SCFD2: variants seen among roughly 807,000 people sequenced by gnomAD.
SCFD2 encodes sec1 family domain containing 2.
Under a neutral mutation model 58.9 loss-of-function variants are expected in SCFD2, and 54 were observed. The ratio of observed to expected loss-of-function variants is 0.92; its 90% CI spans 0.74 to 1.15. SCFD2 has a LOEUF of 1.15. Ranked by LOEUF, SCFD2 falls within the 50% of genes most tolerant of loss-of-function variation. The pLI is 0.00. For synonymous variants in SCFD2, 321 were observed against 335.9 expected, an observed-to-expected ratio of 0.96 and a Z score of 0.49; for missense variants, 805 against 836.6, an observed-to-expected ratio of 0.96 and a Z score of 0.47.
intron 5 of SCFD2, among the ~76,000 whole-genome samples, chr4:53,079,358 T>G (rs578019283): frequency 6.6e-6 from 1 of 152,166 alleles, no homozygotes; most frequent in Non-Finnish European, 1.5e-5. Flanking sequence ...CCAATTCAAA[T>G]GCAAATTCCT....
At chr4:53,182,773 C>G (rs915006285) in intron 4 of SCFD2, among the ~76,000 whole-genome samples, 2 of 151,940 alleles carry the variant, frequency 1.3e-5, no homozygotes, top group Admixed American at 6.6e-5. Flanking sequence ...GGGCTAATAT[C>G]CAGAATCTAC....
intron 7 of SCFD2, among the ~76,000 whole-genome samples, chr4:52,898,926 T>A (rs190831666): frequency 5.3e-5 from 8 of 152,360 alleles, no homozygotes; most frequent in African/African-American, 1.7e-4. Context: ...TCTCTTTTGA[T>A]CTTTGTTGCT....
chr4:53,121,137 T>G (rs1577745843), intron 5 of SCFD2, among the ~76,000 whole-genome samples: 1 of 152,238 alleles, frequency 6.6e-6, no homozygotes, highest in Admixed American at 6.5e-5. Flanking sequence ...ATTTCCAATT[T>G]GATCAGAACT....
chr4:52,922,802 T>C lies in SCFD2; in HGVS notation c.1562-1932A>G, dbSNP rs143462582. On this transcript the variant is annotated intron_variant, in intron 5 of 8. Coordinates refer to ENST00000401642, the MANE Select transcript of SCFD2 (RefSeq NM_152540.4). Reference sequence around the variant, plus strand: ...AGTGCTAAGCTGTTTTCCAAACTGATTGCACTATTTTACATTCCCACCAAC... The same window carrying C: ...AGTGCTAAGCTGTTTTCCAAACTGACTGCACTATTTTACATTCCCACCAAC... 5.8e-4 allele frequency among the ~76,000 whole-genome samples: 89 copies of C among 152,338 alleles called. No individual in the cohort carries two copies. In the East Asian group the frequency reaches 0.016, roughly 27 times the overall value.
intron 4 of SCFD2, among the ~76,000 whole-genome samples, chr4:53,207,517 A>AGT (rs1728452571): frequency 2.2e-5 from 1 of 44,568 alleles, no homozygotes; most frequent in Non-Finnish European, 3.7e-5. Context: ...TATATATATT[A>AGT]TATATATAAT....
chr4:52,891,668 ACT>A (rs143007966), intron 7 of SCFD2, among the ~76,000 whole-genome samples: 37,569 of 152,024 alleles, frequency 0.25, 5,036 homozygotes, highest in African/African-American at 0.35. Flanking sequence ...ATCTCTGAAA[ACT>A]CTGTATTTTT....
intron 5 of SCFD2, chr4:52,955,980 C>T (rs1359964425): frequency 2.2e-6 from 1 of 447,190 alleles, no homozygotes; most frequent in Non-Finnish European, 4.5e-6. Flanking sequence ...GGCTGAGATA[C>T]CTATTGCTGT....
intron 4 of SCFD2, among the ~76,000 whole-genome samples, chr4:53,210,480 G>A (rs1386993808): frequency 6.6e-6 from 1 of 152,044 alleles, no homozygotes; most frequent in African/African-American, 2.4e-5. Flanking sequence ...TATGTGATGT[G>A]TGATACGACA....
intron 4 of SCFD2, among the ~76,000 whole-genome samples, chr4:53,204,767 C>T (rs542802497): frequency 6.8e-6 from 1 of 147,862 alleles, no homozygotes; most frequent in South Asian, 2.2e-4. Context: ...TTTGAGAATA[C>T]TGGTAAGAAG....
intron 4 of SCFD2, among the ~76,000 whole-genome samples, chr4:53,253,678 G>A (rs899972292): frequency 7.1e-6 from 1 of 140,764 alleles, no homozygotes; most frequent in Admixed American, 7.8e-5. Context: ...TCATAGATGG[G>A]AATTGAACAA....
intron 7 of SCFD2, among the ~76,000 whole-genome samples, chr4:52,901,196 C>T (rs1179821549): frequency 6.6e-6 from 1 of 152,204 alleles, no homozygotes; most frequent in East Asian, 1.9e-4. Flanking sequence ...CCCGGTACCT[C>T]AGTTGGAAAT....
chr4:53,292,880 G>A (rs1460486399), intron 3 of SCFD2, among the ~76,000 whole-genome samples: 3 of 152,010 alleles, frequency 2.0e-5, no homozygotes, highest in African/African-American at 4.8e-5. Flanking sequence ...GGGTTGGGGG[G>A]CAAGAGGAGG....
At chr4:53,097,361 T>G (rs1451083414) in intron 5 of SCFD2, among the ~76,000 whole-genome samples, 1 of 152,224 alleles carries the variant, frequency 6.6e-6, no homozygotes, top group Non-Finnish European at 1.5e-5. Context: ...GGAATGTTCT[T>G]CCATTTGTTT....
chr4:53,303,405 C>T (rs1240749511), intron 3 of SCFD2, among the ~76,000 whole-genome samples: 1 of 152,120 alleles, frequency 6.6e-6, no homozygotes, highest in Admixed American at 6.5e-5. Flanking sequence ...CAATGAGATA[C>T]CACCTAACAC....
chr4:53,253,911 A>G (rs1013550661), intron 4 of SCFD2, among the ~76,000 whole-genome samples: 1 of 148,904 alleles, frequency 6.7e-6, no homozygotes, highest in African/African-American at 2.5e-5. Context: ...AAAAAATAAC[A>G]AAGTCAAAAA....
At chr4:53,255,754 G>A (rs1257287646) in intron 4 of SCFD2, among the ~76,000 whole-genome samples, 6 of 151,988 alleles carry the variant, frequency 3.9e-5, no homozygotes, top group South Asian at 2.1e-4. Context: ...GGTGGTGGCC[G>A]GGCAGAGGGG....
At chr4:53,015,845 T>C (rs1439723566) in intron 5 of SCFD2, among the ~76,000 whole-genome samples, 2 of 152,338 alleles carry the variant, frequency 1.3e-5, no homozygotes, top group East Asian at 3.9e-4. Flanking sequence ...GCTTCTCTTA[T>C]TGTACAGTCT....
Position 53,154,798 on chromosome 4 carries a change from G to C in SCFD2, c.1312-9216C>G, listed in dbSNP as rs535416693. ...GGGTAGGGCCAATCTAATCATATGA[G>C]TGCTTAAAAATAGAGGACTTTTCCT... is the stretch of plus-strand genomic sequence containing the variant. On this transcript the variant is annotated intron_variant, in intron 4 of 8. Coordinates refer to ENST00000401642, the MANE Select transcript of SCFD2 (RefSeq NM_152540.4). Among the ~76,000 whole-genome samples the C allele has an allele frequency of 1.9e-4, 29 of 152,260 alleles. No individual in the cohort carries two copies. In the East Asian group the frequency reaches 5.2e-3, roughly 27 times the overall value.
chr4:53,173,876 CAT>C (rs1246730717), intron 4 of SCFD2, among the ~76,000 whole-genome samples: 1 of 152,122 alleles, frequency 6.6e-6, no homozygotes, highest in African/African-American at 2.4e-5. Context: ...ACCATATAGA[CAT>C]ACACACATCA....
Sources: gnomAD v4.1 joint callset for allele counts (sites outside exome capture counted in the v4.1 genomes callset) on GRCh38, gnomAD v4.1.1 for gene constraint, MANE v1.5 for transcripts, NCBI Gene and HGNC (gene_info 2026-07-23, HGNC 2026-07-21) for gene names.